NISCH: variants seen among roughly 807,000 people sequenced by gnomAD.
NISCH encodes nischarin, also known as I-1 receptor candidate protein.
Under a neutral mutation model 138.4 loss-of-function variants are expected in NISCH, and 55 were observed. The ratio of observed to expected loss-of-function variants is 0.40; its 90% CI spans 0.32 to 0.50. NISCH has a LOEUF of 0.50. NISCH is among the 20% of genes least tolerant of loss of function. The pLI is 0.71. For missense variants in NISCH, 1,643 were observed against 2,005.5 expected (o/e 0.82, Z 3.45); for synonymous variants, 860 against 861.5 (o/e 1.00, Z 0.03).
At chr3:52,460,364 A>G (rs1266954863) in intron 3 of NISCH, among the ~76,000 whole-genome samples, 4 of 151,300 alleles carry the variant, frequency 2.6e-5, no homozygotes, top group South Asian at 2.1e-4. Context: ...AAAAAATGCA[A>G]CTTTCTTAAG....
chr3:52,486,208 A>G (rs563650494), intron 15 of NISCH, among the ~76,000 whole-genome samples: 1 of 147,006 alleles, frequency 6.8e-6, no homozygotes, highest in South Asian at 2.2e-4. Context: ...CTCCCAGATT[A>G]ATGCAATTTT....
At chr3:52,460,806 G>A (rs1240192196) in intron 3 of NISCH, among the ~76,000 whole-genome samples, 2 of 152,204 alleles carry the variant, frequency 1.3e-5, no homozygotes, top group Admixed American at 1.3e-4. Context: ...AGTTTTCTCT[G>A]AGTGATAGAT....
chr3:52,466,922 T>C (rs1706796394), intron 3 of NISCH, among the ~76,000 whole-genome samples: 1 of 151,938 alleles, frequency 6.6e-6, no homozygotes, highest in Admixed American at 6.6e-5. Context: ...GTGGTGCGGC[T>C]GATCTCTTGG....
chr3:52,466,563 CAAA>C (rs56199620), intron 3 of NISCH, among the ~76,000 whole-genome samples: 27 of 122,590 alleles, frequency 2.2e-4, no homozygotes, highest in Admixed American at 4.3e-4. Flanking sequence ...GACTCCATCT[CAAA>C]AAAAAAAAAA....
At chr3:52,457,786 G>C in intron 1 of NISCH, 57 bp from the exon 2 acceptor site, 1 of 1,165,526 alleles carries the variant, frequency 8.6e-7, no homozygotes, top group Non-Finnish European at 1.3e-6. Context: ...TGCTGGGGGA[G>C]GAGACTCCTT....
Position 52,460,186 on chromosome 3 carries a change from CAAAAAAAAA to C in NISCH, c.360+1360_360+1368del, listed in dbSNP as rs60865450. Among the ~76,000 whole-genome samples, 8 of 56,204 alleles carry C rather than the reference CAAAAAAAAA, an allele frequency of 1.4e-4. No homozygotes were observed. The Admixed American group carries it at 1.5e-3, about 10-fold the overall frequency. The allele number at this position is 56,204 out of a possible 152,430, so 36.9% of individuals were successfully genotyped here. A position where few individuals can be genotyped will look rare whatever the true frequency, so the allele number is the denominator to read the frequency against. On this transcript the variant is annotated intron_variant, in intron 3 of 20. Transcript: ENST00000345716. The stretch of plus-strand genomic sequence containing the variant: ...ACAGAGTGAGAGTAAGACTTCATCT[CAAAAAAAAA>C]AAAAAAAAAAAAAAAAATCAAAGGG...
chr3:52,462,023 C>T (rs1706649354), intron 3 of NISCH, among the ~76,000 whole-genome samples: 1 of 152,106 alleles, frequency 6.6e-6, no homozygotes, highest in Non-Finnish European at 1.5e-5. Flanking sequence ...GTGCCTGGCT[C>T]TGAGGGTGGA....
At position 52,492,271 on chromosome 3, in the gene NISCH, A is replaced by G; in HGVS notation, c.4304A>G (p.Asp1435Gly). 1 of 1,613,334 alleles carries G rather than the reference A, an allele frequency of 6.2e-7. No individual in the cohort carries two copies. Among genetic ancestry groups the G allele is most frequent in the Non-Finnish European group, 8.5e-7 (1 of 1,180,028 alleles). The change falls in exon 21 of 21, where the codon GAT (aspartate) becomes GGT (glycine). Residue 1435 changes from aspartate (D) to glycine (G), a missense_variant. Asp to Gly is a moderately conservative substitution (Grantham distance 94, BLOSUM62 -1). Coordinates refer to ENST00000345716, the MANE Select transcript of NISCH (RefSeq NM_007184.4). The part of the protein sequence containing the change: ...TYPQALTLVF[D>G]DVQGHDLMGS... ...CCGCAGGCCCTCACCCTCGTCTTCG[A>G]TGACGTGCAAGGTCATGACCTCATG...
In NISCH at chr3:52,459,645, A is replaced by G. The variant is rs567531972; in HGVS notation, c.360+801A>G. ...GATGGGGTTTCACCATGTTGGCCAG[A>G]CTGGTCTGGAACTCCTGACCTCAAG... On this transcript the variant is annotated intron_variant, in intron 3 of 20. Coordinates refer to ENST00000345716, the MANE Select transcript of NISCH (RefSeq NM_007184.4). Among the ~76,000 whole-genome samples the G allele has an allele frequency of 4.0e-5, 6 of 151,692 alleles. No individual in the cohort carries two copies. The South Asian group carries it at 1.3e-3, about 32-fold the overall frequency.
intron 13 of NISCH, among the ~76,000 whole-genome samples, chr3:52,484,041 GTTC>G (rs1193872284): frequency 2.6e-5 from 4 of 152,330 alleles, no homozygotes; most frequent in East Asian, 3.9e-4. Context: ...TCCGCTGGCC[GTTC>G]TTCTGCGGAA....
In NISCH at chr3:52,487,177, C is replaced by A. The variant is rs969380594; in HGVS notation, c.1704-19C>A. ...GGGCCCCTCCCAGCATGCCACTGAC[C>A]TGGCCTCTCCCTGCACAGCCCAGAA... On this transcript the variant is annotated intron_variant, in intron 15 of 20. Coordinates refer to ENST00000345716, the MANE Select transcript of NISCH (RefSeq NM_007184.4). This position sits in a 1 kb window ranked among gnomAD's most constrained non-coding sequence, Gnocchi z 9.1. 3.1e-6 allele frequency: 5 copies of A among 1,601,816 alleles called. No homozygotes were observed. Among genetic ancestry groups the A allele is most frequent in the Non-Finnish European group, 2.6e-6 (3 of 1,172,234 alleles).
chr3:52,488,737 C>G, intron 16 of NISCH, 132 bp downstream of exon 16: 1 of 752,316 alleles, frequency 1.3e-6, no homozygotes, highest in Non-Finnish European at 2.1e-6. Context: ...CCCCTCGCCC[C>G]CCCCGGGCCT....
At chr3:52,468,388 G>A (rs1706846809) in intron 3 of NISCH, among the ~76,000 whole-genome samples, 2 of 152,204 alleles carry the variant, frequency 1.3e-5, no homozygotes, top group South Asian at 4.1e-4. Context: ...GAATTGAGGT[G>A]GGCAGAGATT....
At chr3:52,459,543 C>G (rs1177451052) in intron 3 of NISCH, among the ~76,000 whole-genome samples, 4 of 152,132 alleles carry the variant, frequency 2.6e-5, no homozygotes, top group Admixed American at 2.6e-4. Flanking sequence ...AAGCAATTCT[C>G]CTGCCTCAGC....
In NISCH at chr3:52,488,450, G is replaced by A; in HGVS notation, c.2958G>A (p.Val986=). 2 of 1,613,686 alleles carry A rather than the reference G, an allele frequency of 1.2e-6. No individual in the cohort carries two copies. The highest frequency in any genetic ancestry group is 2.2e-5 in the East Asian group (1 of 44,884). ...VGYRFVTAIF[V]LPHEKFHFLR... ...ACCGCTTTGTCACTGCCATCTTCGT[G>A]CTGCCCCACGAGAAGTTCCACTTCC... The change falls in exon 16 of 21, where the codon GTG becomes GTA. Residue 986 remains valine, a synonymous_variant. Coordinates refer to ENST00000345716, the MANE Select transcript of NISCH (RefSeq NM_007184.4).
chr3:52,478,483 G>A lies in NISCH; in HGVS notation c.1208G>A (p.Cys403Tyr), dbSNP rs1156463416. 1 of 1,614,220 alleles carries A rather than the reference G, an allele frequency of 6.2e-7. No homozygotes were observed. The highest frequency in any genetic ancestry group is 2.2e-5 in the East Asian group (1 of 44,896). The change falls in exon 11 of 21, where the codon TGT becomes TAT. Residue 403 changes from cysteine (C) to tyrosine (Y), a missense_variant. Cys to Tyr is a radical substitution (Grantham distance 194). Coordinates refer to ENST00000345716, the MANE Select transcript of NISCH (RefSeq NM_007184.4). ...EEVRSIGSLP[C>Y]LEHVSLLNNP... is the part of the protein sequence containing the mutation. Reference sequence around the variant, plus strand: ...GTCCGGAGCATAGGCAGCCTCCCGTGTCTGGAGCACGTGTCTCTGCTGAAC... The same window carrying A: ...GTCCGGAGCATAGGCAGCCTCCCGTATCTGGAGCACGTGTCTCTGCTGAAC...
Position 52,490,824 on chromosome 3 carries a change from C to T in NISCH, c.3733C>T (p.Arg1245Trp), listed in dbSNP as rs202010087. ...VNVGLFDQHFRLTGSTPMQVV... is the reference protein window; with the variant it reads ...VNVGLFDQHFWLTGSTPMQVV... ...TGTGGGGCTTTTCGACCAGCATTTCCGGCTGACGGGTGGGTGACCCTCTGT... is the reference window on the plus strand; with the variant it reads ...TGTGGGGCTTTTCGACCAGCATTTCTGGCTGACGGGTGGGTGACCCTCTGT... The change falls in exon 19 of 21, where the codon CGG becomes TGG. Residue 1245 changes from arginine to tryptophan, a missense_variant. Physicochemically the swap from Arg to Trp is moderately radical, Grantham distance 101. Coordinates refer to ENST00000345716, the MANE Select transcript of NISCH (RefSeq NM_007184.4). 6.8e-6 allele frequency: 11 copies of T among 1,614,080 alleles called. No homozygotes were observed. In the African/African-American group the frequency reaches 9.3e-5, roughly 14 times the overall value.
chr3:52,487,088 G>T lies in NISCH; in HGVS notation c.1704-108G>T. The T allele has an allele frequency of 7.8e-7, 1 of 1,274,020 alleles. No individual in the cohort carries two copies. Among genetic ancestry groups the T allele is most frequent in the Non-Finnish European group, 1.1e-6 (1 of 923,554 alleles). 78.9% of individuals were successfully genotyped at this position (1,274,020 alleles called of 1,614,324 possible). ...CATGTGGGAGGCTTGGGAGACCCATGGGTTGGTTTCTCAGGGTCAGGGTGT... is the reference window on the plus strand; with the variant it reads ...CATGTGGGAGGCTTGGGAGACCCATTGGTTGGTTTCTCAGGGTCAGGGTGT... On this transcript the variant is annotated intron_variant, in intron 15 of 20. Coordinates refer to ENST00000345716, the MANE Select transcript of NISCH (RefSeq NM_007184.4). The surrounding 1 kb of genome is among the most constrained non-coding windows in gnomAD (Gnocchi z 9.1).
Position 52,480,966 on chromosome 3 carries a change from C to T in NISCH, c.1528+671C>T, listed in dbSNP as rs534954316. On this transcript the variant is annotated intron_variant, in intron 13 of 20. Coordinates refer to ENST00000345716, the MANE Select transcript of NISCH (RefSeq NM_007184.4). ...CGGAAGAGGGGAGGGTGTGCCGTCCCGAGTGGAGCCGAGGCTCGGGACACG... is the reference window on the plus strand; with the variant it reads ...CGGAAGAGGGGAGGGTGTGCCGTCCTGAGTGGAGCCGAGGCTCGGGACACG... 1.7e-5 allele frequency: 25 copies of T among 1,485,566 alleles called. No homozygotes were observed. In the South Asian group the frequency reaches 2.4e-4, roughly 14 times the overall value. 92.0% of individuals were successfully genotyped at this position (1,485,566 alleles called of 1,614,324 possible).
Sources: gnomAD v4.1 joint callset for allele counts (sites outside exome capture counted in the v4.1 genomes callset) on GRCh38, gnomAD v4.1.1 for gene constraint, Gnocchi (gnomAD v3.1) non-coding constraint, MANE v1.5 for transcripts, NCBI Gene and HGNC (gene_info 2026-07-23, HGNC 2026-07-21) for gene names.